HMG20A: variants seen among roughly 807,000 people sequenced by gnomAD.
HMG20A encodes high mobility group protein 20A.
A neutral mutation model predicts 43.9 loss-of-function variants in HMG20A; 17 were observed. That is an observed-to-expected ratio of 0.39 (90% CI 0.27 to 0.58). The LOEUF (loss-of-function observed/expected upper bound fraction) is 0.58, where lower values mean the gene tolerates loss of function less well. HMG20A is among the 20% of genes least tolerant of loss of function. HMG20A has a pLI of 0.59. For synonymous variants in HMG20A, 132 were observed against 147.5 expected, an observed-to-expected ratio of 0.89 and a Z score of 0.76; for missense variants, 341 against 438.2, an observed-to-expected ratio of 0.78 and a Z score of 1.98.
chr15:77,500,648 A>G, the HMG20A span, among the ~76,000 whole-genome samples: 1 of 150,434 alleles, frequency 6.6e-6, no homozygotes, highest in African/African-American at 2.4e-5. Flanking sequence ...GGCTCACTGC[A>G]ACCTCCGCCT....
chr15:77,424,946 G>A (rs2073410658), intron 1 of HMG20A, among the ~76,000 whole-genome samples: 1 of 151,918 alleles, frequency 6.6e-6, no homozygotes. Context: ...ATCCAAACGG[G>A]ATCGCCTCTG....
chr15:77,424,697 C>T (rs8038518), intron 1 of HMG20A, among the ~76,000 whole-genome samples: 148,766 of 152,310 alleles, frequency 0.98, 72,739 homozygotes, highest in East Asian at 1. Flanking sequence ...CATGCTCACA[C>T]AGTTGTCAAG....
chr15:77,467,005 TTTG>T (rs1193304005), intron 3 of HMG20A, 87 bp from the exon 4 acceptor site: 7 of 1,054,474 alleles, frequency 6.6e-6, no homozygotes, highest in Admixed American at 2.3e-5. Flanking sequence ...TCCTGTTTTG[TTTG>T]TTGTTGTTTG....
chr15:77,447,611 C>T (rs1029534817), intron 1 of HMG20A: 2 of 152,056 alleles, frequency 1.3e-5, no homozygotes, highest in Non-Finnish European at 2.9e-5. Context: ...TTCAAAAAAA[C>T]ATGTACCATC....
chr15:77,507,612 C>T, the HMG20A span, among the ~76,000 whole-genome samples: 2 of 152,210 alleles, frequency 1.3e-5, no homozygotes, highest in Non-Finnish European at 1.5e-5. Flanking sequence ...CGAAGGGCTG[C>T]GTGTCTCATA....
intron 9 of HMG20A, among the ~76,000 whole-genome samples, chr15:77,480,143 T>C (rs1291557762): frequency 2.0e-5 from 3 of 151,240 alleles, no homozygotes; most frequent in Non-Finnish European, 4.4e-5. Context: ...ATACAAAAAA[T>C]TAGCCAGGCA....
chr15:77,506,012 T>G, the HMG20A span, among the ~76,000 whole-genome samples: 1 of 151,886 alleles, frequency 6.6e-6, no homozygotes, highest in South Asian at 2.1e-4. Context: ...CTACCTGAGT[T>G]TCTTCAACCA....
At chr15:77,516,854 G>A in the HMG20A span, among the ~76,000 whole-genome samples, 1 of 151,482 alleles carries the variant, frequency 6.6e-6, no homozygotes, top group African/African-American at 2.5e-5. Flanking sequence ...TGAGCTAAGG[G>A]TGTGCGACAC....
At chr15:77,437,643 C>T (rs2073563794) in intron 1 of HMG20A, among the ~76,000 whole-genome samples, 1 of 151,412 alleles carries the variant, frequency 6.6e-6, no homozygotes, top group Admixed American at 6.6e-5. Flanking sequence ...GTGATCTCAG[C>T]TCACAGCAAC....
chr15:77,443,898 A>G (rs1361262716), intron 1 of HMG20A, among the ~76,000 whole-genome samples: 1 of 151,850 alleles, frequency 6.6e-6, no homozygotes, highest in Non-Finnish European at 1.5e-5. Flanking sequence ...TTTGGTAGAG[A>G]TGGGGTTTCG....
chr15:77,439,260 A>C (rs1025209000), intron 1 of HMG20A, among the ~76,000 whole-genome samples: 3 of 152,150 alleles, frequency 2.0e-5, no homozygotes, highest in African/African-American at 7.2e-5. Context: ...TCTCATCTTA[A>C]CCAATGCTGC....
the HMG20A span, among the ~76,000 whole-genome samples, chr15:77,506,470 C>T: frequency 5.9e-5 from 9 of 152,338 alleles, no homozygotes; most frequent in African/African-American, 2.2e-4. Context: ...TGCACCAAGA[C>T]AGACCTGGAG....
At chr15:77,421,173 A>AG (rs1487587063) in intron 1 of HMG20A, 169 bp downstream of exon 1, 2 of 64,498 alleles carry the variant, frequency 3.1e-5, no homozygotes, top group African/African-American at 7.9e-5. Context: ...CGTCCTGGGG[A>AG]GGGGGGACAC....
intron 3 of HMG20A, among the ~76,000 whole-genome samples, chr15:77,466,820 C>T (rs2072760564): frequency 6.6e-6 from 1 of 152,180 alleles, no homozygotes; most frequent in Non-Finnish European, 1.5e-5. Context: ...TATTCTCATA[C>T]ATTGAGATTA....
At chr15:77,498,762 T>TG in the HMG20A span, among the ~76,000 whole-genome samples, 2 of 152,158 alleles carry the variant, frequency 1.3e-5, no homozygotes, top group African/African-American at 4.8e-5. Context: ...TTTTCCTGGG[T>TG]TCTACAAAGA....
chr15:77,469,561 T>A (rs868639745), intron 4 of HMG20A, among the ~76,000 whole-genome samples: 1 of 152,130 alleles, frequency 6.6e-6, no homozygotes. Flanking sequence ...CTCAAACATC[T>A]GGGCTCAAGC....
In HMG20A at chr15:77,434,101, A is replaced by G. The variant is rs2073519636; in HGVS notation, c.-5+13097A>G. ...ATATGTATGTAATCAATTTATGACA[A>G]CAGTAGCATCCACCACAGTAGGGGA... is the stretch of plus-strand genomic sequence containing the variant. On this transcript the variant is annotated intron_variant, in intron 1 of 9. Transcript: ENST00000336216. Among the ~76,000 whole-genome samples the G allele has an allele frequency of 2.0e-5, 3 of 152,362 alleles. No individual in the cohort carries two copies. The South Asian group carries it at 6.2e-4, about 32-fold the overall frequency.
At chr15:77,453,506 A>G (rs1056105462) in intron 1 of HMG20A, among the ~76,000 whole-genome samples, 4 of 152,182 alleles carry the variant, frequency 2.6e-5, no homozygotes, top group Non-Finnish European at 5.9e-5. Context: ...GTGCTTTGAA[A>G]AACAGTTTGA....
the HMG20A span, among the ~76,000 whole-genome samples, chr15:77,499,019 C>T: frequency 2.0e-5 from 3 of 152,192 alleles, no homozygotes; most frequent in Non-Finnish European, 4.4e-5. Context: ...ATTCTCAGGG[C>T]CTGGCCCTAG....
Sources: gnomAD v4.1 joint callset for allele counts (sites outside exome capture counted in the v4.1 genomes callset) on GRCh38, gnomAD v4.1.1 for gene constraint, MANE v1.5 for transcripts, NCBI Gene and HGNC (gene_info 2026-07-23, HGNC 2026-07-21) for gene names.